SUMF1: variants seen among roughly 807,000 people sequenced by gnomAD.
SUMF1 encodes sulfatase modifying factor 1.
In SUMF1, 48 loss-of-function variants were observed where a neutral mutation model predicts 47.6. The ratio of observed to expected loss-of-function variants is 1.01; its 90% CI spans 0.80 to 1.28. SUMF1 has a LOEUF of 1.28. Ranked by LOEUF, SUMF1 falls within the 50% of genes most tolerant of loss-of-function variation. The pLI is 0.00. For missense variants in SUMF1, 571 were observed against 485.4 expected (o/e 1.18, Z -1.66); for synonymous variants, 230 against 192.1 (o/e 1.20, Z -1.63).
chr3:4,067,349 G>C (rs951566326), intron 9 of SUMF1, among the ~76,000 whole-genome samples: 4 of 152,158 alleles, frequency 2.6e-5, no homozygotes, highest in Non-Finnish European at 5.9e-5. Flanking sequence ...ACCATATCAT[G>C]AAGGAGAGCA....
At chr3:4,151,211 A>C (rs1574929902) in intron 8 of SUMF1, among the ~76,000 whole-genome samples, 1 of 149,510 alleles carries the variant, frequency 6.7e-6, no homozygotes, top group Non-Finnish European at 1.5e-5. Flanking sequence ...CATATAAGGA[A>C]ATGTATAATG....
chr3:4,385,617 G>A (rs1700647520), intron 7 of SUMF1, among the ~76,000 whole-genome samples: 1 of 152,172 alleles, frequency 6.6e-6, no homozygotes, highest in Non-Finnish European at 1.5e-5. Flanking sequence ...CAGAAAAGAA[G>A]TTCTAGTTTT....
At chr3:4,370,673 G>C (rs1321681788) in intron 8 of SUMF1, among the ~76,000 whole-genome samples, 1 of 151,970 alleles carries the variant, frequency 6.6e-6, no homozygotes, top group Non-Finnish European at 1.5e-5. Context: ...TGAAGACCCC[G>C]GTATATACAG....
chr3:4,203,109 G>T (rs1695575332), intron 8 of SUMF1, among the ~76,000 whole-genome samples: 1 of 151,842 alleles, frequency 6.6e-6, no homozygotes, highest in Admixed American at 6.6e-5. Context: ...AGACCATTTG[G>T]TCTGTAATGC....
intron 8 of SUMF1, among the ~76,000 whole-genome samples, chr3:4,069,213 C>T (rs1374360862): frequency 6.8e-6 from 1 of 147,798 alleles, no homozygotes; most frequent in Non-Finnish European, 1.5e-5. Flanking sequence ...AACAGGCAAA[C>T]AAAAGTGAGC....
At chr3:4,316,898 A>C in intron 8 of SUMF1, 1 of 1,549,354 alleles carries the variant, frequency 6.5e-7, no homozygotes, top group Non-Finnish European at 8.7e-7. Context: ...TGAACCAAAA[A>C]CTGCAACGCC....
intron 9 of SUMF1, among the ~76,000 whole-genome samples, chr3:4,066,904 C>T (rs1695390771): frequency 6.6e-6 from 1 of 152,128 alleles, no homozygotes; most frequent in Non-Finnish European, 1.5e-5. Context: ...CTTCTTCCAC[C>T]ACTATTCCTT....
chr3:4,389,603 A>T (rs9815673), intron 7 of SUMF1, among the ~76,000 whole-genome samples: 39,680 of 151,882 alleles, frequency 0.26, 6,642 homozygotes, highest in East Asian at 0.56. Flanking sequence ...AAATGTGAGA[A>T]CTTTTGTTAT....
chr3:4,362,190 T>C lies in SUMF1; in HGVS notation c.1079A>G (p.Asn360Ser), dbSNP rs202056550. 1 of 1,614,184 alleles carries C rather than the reference T, an allele frequency of 6.2e-7. No homozygotes were observed. The highest frequency in any genetic ancestry group is 8.5e-7 in the Non-Finnish European group (1 of 1,180,018). Residue 360 changes from asparagine (N) to serine (S), a missense_variant, in exon 9 of 9, where the codon AAT becomes AGT. By Grantham distance (46) the Asn-to-Ser change is conservative. Transcript: ENST00000272902. ...GTCGGCTGCACAGCGGAATCCCAGA[T>C]TCGAAGCAGAGCTATCAGGTGTGTT... ...SQNTPDSSAS[N>S]LGFRCAADRL...
intron 8 of SUMF1, among the ~76,000 whole-genome samples, chr3:4,239,036 T>G (rs1413803296): frequency 6.6e-6 from 1 of 152,182 alleles, no homozygotes; most frequent in African/African-American, 2.4e-5. Flanking sequence ...TAGGGAATCC[T>G]TTCCCTATTG....
At chr3:4,069,857 T>C (rs886931312) in intron 8 of SUMF1, among the ~76,000 whole-genome samples, 3 of 152,220 alleles carry the variant, frequency 2.0e-5, no homozygotes, top group Non-Finnish European at 2.9e-5. Context: ...GAAAAGTCTC[T>C]TGTGGGAAAA....
intron 8 of SUMF1, among the ~76,000 whole-genome samples, chr3:4,264,234 C>T (rs1338828730): frequency 6.6e-6 from 1 of 152,160 alleles, no homozygotes; most frequent in Non-Finnish European, 1.5e-5. Flanking sequence ...GCTGAGTCAG[C>T]ATCTTTCTAG....
intron 9 of SUMF1, among the ~76,000 whole-genome samples, chr3:4,061,453 T>C (rs561073304): frequency 3.3e-5 from 5 of 152,282 alleles, no homozygotes; most frequent in Admixed American, 3.3e-4. Flanking sequence ...CATTAACTTA[T>C]GTTTTTCTGC....
At chr3:4,186,808 A>G (rs988236661) in intron 8 of SUMF1, among the ~76,000 whole-genome samples, 2 of 152,136 alleles carry the variant, frequency 1.3e-5, no homozygotes, top group African/African-American at 4.8e-5. Context: ...GTGATGCCAG[A>G]TATTCATGAG....
intron 8 of SUMF1, among the ~76,000 whole-genome samples, chr3:4,366,719 CAA>C (rs1575138312): frequency 6.6e-6 from 1 of 152,222 alleles, no homozygotes; most frequent in Non-Finnish European, 1.5e-5. Flanking sequence ...CTCAACTCGT[CAA>C]AGTCATTCTC....
chr3:4,268,504 T>C (rs1697243304), intron 8 of SUMF1, among the ~76,000 whole-genome samples: 2 of 150,792 alleles, frequency 1.3e-5, no homozygotes, highest in Admixed American at 1.3e-4. Flanking sequence ...TTTTTCTTTT[T>C]TTTTTTTTTT....
chr3:4,450,532 T>G (rs1011762084), intron 2 of SUMF1, among the ~76,000 whole-genome samples: 1 of 152,134 alleles, frequency 6.6e-6, no homozygotes, highest in Admixed American at 6.6e-5. Context: ...TCAACAAACA[T>G]GTATCAAACA....
At position 4,346,540 on chromosome 3, in the gene SUMF1, GA is replaced by G. The variant is rs1575116076; in HGVS notation, c.1014+29789del. 2.0e-5 allele frequency among the ~76,000 whole-genome samples: 3 copies of G among 152,152 alleles called. No individual in the cohort carries two copies. The East Asian group carries it at 5.8e-4, about 29-fold the overall frequency. On this transcript the variant is annotated intron_variant and NMD_transcript_variant, in intron 8 of 12. Transcript: ENST00000448413. ...ACACAGCTAAAACAGAGTTAAGAGG[GA>G]AATTTATAGCACTAAATGCCCACAT...
intron 8 of SUMF1, among the ~76,000 whole-genome samples, chr3:4,095,031 G>C (rs1692872005): frequency 6.6e-6 from 1 of 152,064 alleles, no homozygotes; most frequent in Non-Finnish European, 1.5e-5. Context: ...AATATTGAAT[G>C]AAGTATTGAT....
Sources: allele counts gnomAD v4.1 joint callset (sites outside exome capture counted in the v4.1 genomes callset), GRCh38; gene constraint gnomAD v4.1.1; transcripts MANE v1.5; gene names NCBI Gene and HGNC (gene_info 2026-07-23, HGNC 2026-07-21).